The following DAB1 variants were observed in gnomAD, a reference collection of about 807,000 sequenced individuals.
DAB1 encodes disabled homolog 1.
DAB1 carries 15 observed loss-of-function variants against 64.6 expected under a neutral mutation model. The observed-to-expected ratio is 0.23, with a 90% CI of 0.16 to 0.36. The LOEUF is 0.36. Ranked by LOEUF, DAB1 falls within the 10% of genes least tolerant of loss-of-function variation. The pLI, the probability that DAB1 is intolerant of heterozygous loss-of-function variation, is 1.00. For synonymous variants in DAB1, 235 were observed against 251.9 expected (o/e 0.93, Z 0.64); for missense variants, 596 against 706.7 (o/e 0.84, Z 1.78).
intron 3 of DAB1, among the ~76,000 whole-genome samples, chr1:58,354,947 A>G (rs1159346039): frequency 3.3e-5 from 5 of 152,158 alleles, no homozygotes; most frequent in Non-Finnish European, 5.9e-5. Context: ...TTCCCCCTCT[A>G]AGTTAGTTGA....
At chr1:58,352,042 G>A (rs926151367) in intron 3 of DAB1, among the ~76,000 whole-genome samples, 1 of 151,554 alleles carries the variant, frequency 6.6e-6, no homozygotes, top group Admixed American at 6.6e-5. Flanking sequence ...TTACTCCTCC[G>A]CCATGAAGCC....
chr1:57,371,733 C>A (rs1462540252), intron 1 of DAB1, among the ~76,000 whole-genome samples: 1 of 152,166 alleles, frequency 6.6e-6, no homozygotes, highest in African/African-American at 2.4e-5. Flanking sequence ...AGATTCACTT[C>A]ATTTTGTATG....
chr1:57,905,823 A>G (rs1442297648), intron 5 of DAB1, among the ~76,000 whole-genome samples: 2 of 152,176 alleles, frequency 1.3e-5, no homozygotes, highest in Non-Finnish European at 2.9e-5. Context: ...GAAAACCTGG[A>G]GGCTGTGGTA....
chr1:57,769,573 T>C (rs1255091076), intron 6 of DAB1, among the ~76,000 whole-genome samples: 4 of 152,184 alleles, frequency 2.6e-5, no homozygotes, highest in African/African-American at 7.2e-5. Context: ...CCCCACTTCC[T>C]CCCCTTACAG....
intron 3 of DAB1, among the ~76,000 whole-genome samples, chr1:58,505,704 C>A (rs970874493): frequency 6.6e-6 from 1 of 151,988 alleles, no homozygotes; most frequent in African/African-American, 2.4e-5. Flanking sequence ...GTATTTTTAA[C>A]AAAAAGCTTA....
At chr1:57,314,013 T>G (rs1674968836) in intron 1 of DAB1, among the ~76,000 whole-genome samples, 1 of 152,186 alleles carries the variant, frequency 6.6e-6, no homozygotes, top group African/African-American at 2.4e-5. Context: ...AAGAAGTAAA[T>G]TTCTGTTATT....
At chr1:57,318,640 C>T (rs1177949843) in intron 1 of DAB1, among the ~76,000 whole-genome samples, 2 of 151,576 alleles carry the variant, frequency 1.3e-5, no homozygotes, top group Non-Finnish European at 2.9e-5. Context: ...ATTCTTCCAC[C>T]CTCTATTAGA....
chr1:57,829,991 A>G lies in DAB1; in HGVS notation n.88-3536T>C, dbSNP rs574051041. On this transcript the variant is annotated intron_variant and non_coding_transcript_variant, in intron 1 of 1. Coordinates refer to the DAB1 transcript ENST00000477280. ...GTACAGAGAGACTGGTGCTTGTCCA[A>G]TTATATCTGACTCCTTCTCATGACA... is the stretch of plus-strand genomic sequence containing the variant. Among the ~76,000 whole-genome samples, 6 of 152,276 alleles carry G rather than the reference A, an allele frequency of 3.9e-5. No homozygotes were observed. In the East Asian group the frequency reaches 7.7e-4, roughly 20 times the overall value.
At chr1:58,255,949 G>C (rs1557716477) in intron 4 of DAB1, among the ~76,000 whole-genome samples, 2 of 152,198 alleles carry the variant, frequency 1.3e-5, no homozygotes, top group Admixed American at 6.5e-5. Flanking sequence ...AAGCTCCCCT[G>C]TTCCAAGGTA....
At chr1:57,032,540 C>T (rs771313697) in intron 9 of DAB1, among the ~76,000 whole-genome samples, 1 of 152,142 alleles carries the variant, frequency 6.6e-6, no homozygotes, top group Non-Finnish European at 1.5e-5. Flanking sequence ...AAGTGGCTTC[C>T]TAACTCAATT....
intron 4 of DAB1, among the ~76,000 whole-genome samples, chr1:58,340,810 G>A (rs533118953): frequency 6.6e-6 from 1 of 152,340 alleles, no homozygotes; most frequent in East Asian, 1.9e-4. Context: ...CCAAGGCTTA[G>A]ATAAGGTGTT....
At chr1:58,262,590 A>C (rs548631542) in intron 4 of DAB1, among the ~76,000 whole-genome samples, 2 of 152,242 alleles carry the variant, frequency 1.3e-5, no homozygotes, top group Admixed American at 6.5e-5. Context: ...TCTAAAAAAA[A>C]CAAAAAAAAC....
chr1:57,264,437 T>C (rs1254699195), intron 2 of DAB1, among the ~76,000 whole-genome samples: 1 of 152,224 alleles, frequency 6.6e-6, no homozygotes, highest in Non-Finnish European at 1.5e-5. Context: ...AGGATGGGTA[T>C]TCTGATATCT....
intron 5 of DAB1, among the ~76,000 whole-genome samples, chr1:57,941,008 G>A (rs556988597): frequency 2.6e-5 from 4 of 152,200 alleles, no homozygotes; most frequent in Non-Finnish European, 5.9e-5. Flanking sequence ...GTGAGCATCT[G>A]ATTATAGTGA....
intron 4 of DAB1, among the ~76,000 whole-genome samples, chr1:57,089,980 C>T (rs844329): frequency 0.27 from 40,987 of 151,994 alleles, 6,033 homozygotes; most frequent in Middle Eastern, 0.4. Flanking sequence ...GTGACACAGC[C>T]GACACCCAGC....
At chr1:57,033,871 T>A (rs1000170650) in intron 9 of DAB1, among the ~76,000 whole-genome samples, 1 of 152,246 alleles carries the variant, frequency 6.6e-6, no homozygotes, top group African/African-American at 2.4e-5. Flanking sequence ...GATAAGAGCA[T>A]GCTGTTTACA....
intron 6 of DAB1, among the ~76,000 whole-genome samples, chr1:57,808,170 T>C (rs72664687): frequency 0.084 from 12,099 of 144,440 alleles, 717 homozygotes; most frequent in Admixed American, 0.22. Flanking sequence ...TTCTCTTTCT[T>C]TTTCTCTCTC....
chr1:58,524,767 GC>G (rs1321636698), intron 2 of DAB1, among the ~76,000 whole-genome samples: 1 of 152,078 alleles, frequency 6.6e-6, no homozygotes, highest in Non-Finnish European at 1.5e-5. Context: ...AGTATCACTA[GC>G]AGCAACTCAT....
At chr1:57,480,021 G>A (rs962276666) in intron 7 of DAB1, among the ~76,000 whole-genome samples, 91 of 151,630 alleles carry the variant, frequency 6.0e-4, no homozygotes, top group African/African-American at 1.8e-3. Context: ...GCATGGTGGC[G>A]CGCGCCTGTA....
Sources: allele counts gnomAD v4.1 joint callset (sites outside exome capture counted in the v4.1 genomes callset), GRCh38; gene constraint gnomAD v4.1.1; transcripts MANE v1.5; gene names NCBI Gene and HGNC (gene_info 2026-07-23, HGNC 2026-07-21).